ANXA10: variants seen among roughly 807,000 people sequenced by gnomAD.
ANXA10 encodes annexin A10.
In ANXA10, 49 loss-of-function variants were observed where a neutral mutation model predicts 53.5. That is an observed-to-expected ratio of 0.92 (90% CI 0.73 to 1.16). The LOEUF is 1.16. Among genes scored for constraint, ANXA10 ranks in the 50% most tolerant of loss-of-function variants. The pLI, the probability that ANXA10 is intolerant of heterozygous loss-of-function variation, is 0.00. For missense variants in ANXA10, 393 were observed against 394.4 expected (o/e 1.00, Z 0.03); for synonymous variants, 131 against 128.9 (o/e 1.02, Z -0.11).
intron 1 of ANXA10, among the ~76,000 whole-genome samples, chr4:168,096,926 A>ATATATGTATATATATATG (rs371811709): frequency 1.5e-5 from 2 of 129,902 alleles, no homozygotes; most frequent in Non-Finnish European, 3.2e-5. Context: ...ATATATATAT[A>ATATATGTATATATATATG]TATGTATGTA....
At chr4:168,127,728 T>A in intron 1 of ANXA10, 1 of 485,190 alleles carries the variant, frequency 2.1e-6, no homozygotes, top group Non-Finnish European at 4.0e-6. Flanking sequence ...AAGGCGTTTG[T>A]TTAACAGGCC....
In ANXA10 at chr4:168,179,328, T is replaced by C; in HGVS notation, c.724+16T>C. 1 of 1,541,330 alleles carries C rather than the reference T, an allele frequency of 6.5e-7. No homozygotes were observed. Among genetic ancestry groups the C allele is most frequent in the South Asian group, 1.1e-5 (1 of 87,738 alleles). On this transcript the variant is annotated intron_variant, in intron 9 of 11. Coordinates refer to ENST00000359299, the MANE Select transcript of ANXA10 (RefSeq NM_007193.5). ...GTTGCAATTGGTAAGTAATAAATTA[T>C]TTGAAGCACAACAGACATTTTATTT...
chr4:168,096,936 A>C (rs911266778), intron 1 of ANXA10, among the ~76,000 whole-genome samples: 8 of 147,994 alleles, frequency 5.4e-5, no homozygotes, highest in African/African-American at 2.0e-4. Flanking sequence ...ATATGTATGT[A>C]TATGTATATA....
intron 6 of ANXA10, 103 bp from the exon 7 acceptor site, chr4:168,177,637 C>T: frequency 8.6e-7 from 1 of 1,159,472 alleles, no homozygotes; most frequent in Non-Finnish European, 1.3e-6. Flanking sequence ...AAAGAAGTTC[C>T]TTAGGAACAA....
chr4:168,096,764 G>A (rs1235351120), intron 1 of ANXA10, among the ~76,000 whole-genome samples: 1 of 151,670 alleles, frequency 6.6e-6, no homozygotes, highest in East Asian at 1.9e-4. Context: ...GAGCATAGAA[G>A]CATCCCAAAA....
intron 3 of ANXA10, among the ~76,000 whole-genome samples, chr4:168,157,826 T>C (rs1289233153): frequency 3.9e-5 from 6 of 152,332 alleles, no homozygotes; most frequent in African/African-American, 2.4e-5. Context: ...CTAGTGCATA[T>C]ATATACCAAT....
At chr4:168,134,336 G>T (rs541985358) in intron 2 of ANXA10, among the ~76,000 whole-genome samples, 85 of 152,132 alleles carry the variant, frequency 5.6e-4, no homozygotes, top group Middle Eastern at 6.8e-3. Context: ...TAAATTTACA[G>T]TTATTTTAAT....
chr4:168,157,410 G>C (rs551670072), intron 3 of ANXA10, among the ~76,000 whole-genome samples: 95 of 152,170 alleles, frequency 6.2e-4, no homozygotes, highest in South Asian at 1.2e-3. Context: ...TGGGATTACA[G>C]GCGCCTGCCA....
intron 3 of ANXA10, among the ~76,000 whole-genome samples, chr4:168,142,817 C>G (rs1169397564): frequency 6.6e-6 from 1 of 152,196 alleles, no homozygotes; most frequent in Admixed American, 6.5e-5. Context: ...TGCTCACCCT[C>G]TACTCTGTGT....
intron 1 of ANXA10, among the ~76,000 whole-genome samples, chr4:168,106,794 A>C (rs191963189): frequency 2.0e-5 from 3 of 152,276 alleles, no homozygotes; most frequent in Admixed American, 2.0e-4. Flanking sequence ...AGTAATTATC[A>C]GATGTTTTCT....
chr4:168,136,548 AG>A (rs1731240378), intron 2 of ANXA10, among the ~76,000 whole-genome samples: 1 of 152,210 alleles, frequency 6.6e-6, no homozygotes, highest in East Asian at 1.9e-4. Context: ...TGAATCTTAA[AG>A]TTCCCAAATA....
intron 6 of ANXA10, among the ~76,000 whole-genome samples, chr4:168,169,254 A>G (rs892817630): frequency 1.3e-5 from 2 of 152,116 alleles, no homozygotes; most frequent in African/African-American, 4.8e-5. Context: ...ATTTTTTCTC[A>G]ATTTAAAAGG....
At chr4:168,122,740 C>T (rs1731007839) in intron 1 of ANXA10, among the ~76,000 whole-genome samples, 1 of 152,094 alleles carries the variant, frequency 6.6e-6, no homozygotes, top group Admixed American at 6.6e-5. Flanking sequence ...CACTTTTAAA[C>T]TACTAAATCT....
At chr4:168,152,519 A>G (rs1731515078) in intron 3 of ANXA10, among the ~76,000 whole-genome samples, 1 of 152,132 alleles carries the variant, frequency 6.6e-6, no homozygotes, top group Non-Finnish European at 1.5e-5. Flanking sequence ...TCTAAGATCA[A>G]GTGTATAAAA....
intron 1 of ANXA10, among the ~76,000 whole-genome samples, chr4:168,111,290 G>A (rs1407682225): frequency 6.6e-6 from 1 of 152,078 alleles, no homozygotes; most frequent in African/African-American, 2.4e-5. Context: ...TAGATCCTAT[G>A]TTAAATTTGC....
chr4:168,140,888 G>A (rs768152148), intron 3 of ANXA10, among the ~76,000 whole-genome samples: 3 of 152,142 alleles, frequency 2.0e-5, no homozygotes, highest in Non-Finnish European at 4.4e-5. Context: ...CCAAAGTGTT[G>A]GGATTACAGG....
intron 7 of ANXA10, 39 bp downstream of exon 7, chr4:168,177,832 T>C: frequency 6.2e-7 from 1 of 1,614,028 alleles, no homozygotes; most frequent in Non-Finnish European, 8.5e-7. Flanking sequence ...GCAAAGAACC[T>C]GGGTTAAAAT....
At chr4:168,131,838 G>A (rs914525475) in intron 2 of ANXA10, among the ~76,000 whole-genome samples, 11 of 151,892 alleles carry the variant, frequency 7.2e-5, no homozygotes, top group Admixed American at 1.3e-4. Flanking sequence ...CATTTGCATG[G>A]TATATAATTC....
chr4:168,181,664 T>A lies in ANXA10; in HGVS notation c.725-19T>A. ...TTTTCACTCTCAATGTTTCTTCTTC[T>A]CTCTCTGATTTCTCCTAGTTCTCTG... On this transcript the variant is annotated intron_variant, in intron 9 of 11. Coordinates refer to ENST00000359299, the MANE Select transcript of ANXA10 (RefSeq NM_007193.5). 6.3e-7 allele frequency: 1 copy of A among 1,587,134 alleles called. No homozygotes were observed. Among genetic ancestry groups the A allele is most frequent in the Non-Finnish European group, 8.6e-7 (1 of 1,157,902 alleles).
Sources: gnomAD v4.1 joint callset for allele counts (sites outside exome capture counted in the v4.1 genomes callset) on GRCh38, gnomAD v4.1.1 for gene constraint, MANE v1.5 for transcripts, NCBI Gene and HGNC (gene_info 2026-07-23, HGNC 2026-07-21) for gene names.